Variants in AEN observed in about 807,000 individuals in gnomAD.
The protein encoded by AEN is apoptosis enhancing nuclease.
A neutral mutation model predicts 17.7 loss-of-function variants in AEN; 21 were observed. That is an observed-to-expected ratio of 1.19 (90% confidence interval 0.84 to 1.71). The LOEUF (loss-of-function observed/expected upper bound fraction) is 1.71, where lower values mean the gene tolerates loss of function less well. Among genes scored for constraint, AEN ranks in the 40% most tolerant of loss-of-function variants. AEN has a pLI of 0.00. For synonymous variants in AEN, 190 were observed against 173.0 expected (o/e 1.10, Z -0.77); for missense variants, 462 against 435.9 (o/e 1.06, Z -0.53).
Position 88,630,115 on chromosome 15 carries a change from C to T in AEN, c.799C>T (p.Arg267Trp), listed in dbSNP as rs753434515. The change falls in exon 4 of 4, where the codon CGG (arginine) becomes TGG (tryptophan). Residue 267 changes from arginine (R) to tryptophan (W), a missense_variant. Coordinates refer to ENST00000332810, the MANE Select transcript of AEN (RefSeq NM_022767.4). This position sits in a 1 kb window ranked among gnomAD's most constrained non-coding sequence, Gnocchi z 5.1. The part of the protein sequence containing the change: ...EDATTAMELY[R>W]LVEVQWEQQE... The stretch of plus-strand genomic sequence containing the variant: ...TGCCACGACAGCCATGGAGCTCTAC[C>T]GGCTGGTGGAGGTGCAGTGGGAACA... 1.5e-5 allele frequency: 25 copies of T among 1,613,710 alleles called. No individual in the cohort carries two copies. Among genetic ancestry groups the T allele is most frequent in the South Asian group, 1.5e-4 (14 of 91,082 alleles).
chr15:88,608,947 T>A, the AEN span, among the ~76,000 whole-genome samples: 1 of 152,212 alleles, frequency 6.6e-6, no homozygotes, highest in Non-Finnish European at 1.5e-5. Context: ...CAAATAGTCC[T>A]ACTCAGGGAT....
At chr15:88,626,070 CAGGG>C (rs202107717) in intron 1 of AEN, 72 bp from the exon 2 acceptor site, 61,167 of 872,388 alleles carry the variant, frequency 0.07, 2,285 homozygotes, top group African/African-American at 0.16. Flanking sequence ...TGGTGCACTG[CAGGG>C]AGGGAGGGAG....
At chr15:88,629,678 G>C (rs972979362) in intron 3 of AEN, among the ~76,000 whole-genome samples, 1 of 152,292 alleles carries the variant, frequency 6.6e-6, no homozygotes, top group African/African-American at 2.4e-5. Flanking sequence ...ATCTCTTCCA[G>C]ATCTGTCCCC....
intron 2 of AEN, chr15:88,628,387 C>T (rs2057881750): frequency 6.6e-6 from 1 of 151,924 alleles, no homozygotes; most frequent in Admixed American, 6.5e-5. Context: ...GAGCCCAAGC[C>T]CAGCTAAGAG....
the AEN span, among the ~76,000 whole-genome samples, chr15:88,615,467 C>A: frequency 1.3e-5 from 2 of 152,120 alleles, no homozygotes; most frequent in Non-Finnish European, 2.9e-5. Flanking sequence ...ATCAAGAGAG[C>A]TAAGAGGCGG....
chr15:88,629,520 C>A, intron 3 of AEN, 94 bp downstream of exon 3: 2 of 1,435,726 alleles, frequency 1.4e-6, no homozygotes, highest in South Asian at 1.3e-5. Context: ...TGTCTCCAGC[C>A]TCCTTGTCAT....
chr15:88,607,880 C>T, the AEN span, among the ~76,000 whole-genome samples: 13 of 152,244 alleles, frequency 8.5e-5, no homozygotes, highest in Admixed American at 8.5e-4. Flanking sequence ...TCCCATGTTA[C>T]TATAGAAACT....
the AEN span, among the ~76,000 whole-genome samples, chr15:88,610,377 A>G: frequency 2.0e-5 from 3 of 150,246 alleles, no homozygotes; most frequent in Admixed American, 1.3e-4. Context: ...AGATTAAAGG[A>G]TGGGGAAAGG....
rs1028542951 is a variant in AEN at position 88,626,240 on chromosome 15, C to T, written c.31C>T (p.Gln11Ter). MVPREAPESA[Q>*]CLCPSLTIPN... ...ACCCCGGGAGGCCCCTGAGTCTGCT[C>T]AGTGCCTGTGCCCTTCCCTCACCAT... is the stretch of plus-strand genomic sequence containing the variant. Residue 11 changes from glutamine to a stop codon, truncating the protein, a stop_gained, in exon 2 of 4, where the codon CAG (glutamine) becomes TAG (stop). Coordinates refer to ENST00000332810, the MANE Select transcript of AEN (RefSeq NM_022767.4). LOFTEE classifies it high-confidence loss of function. 1.3e-5 allele frequency: 21 copies of T among 1,606,770 alleles called. No individual in the cohort carries two copies. Among genetic ancestry groups the T allele is most frequent in the African/African-American group, 9.4e-5 (7 of 74,800 alleles).
the AEN span, among the ~76,000 whole-genome samples, chr15:88,609,627 T>A: frequency 6.6e-6 from 1 of 151,774 alleles, no homozygotes; most frequent in Non-Finnish European, 1.5e-5. Context: ...AAGTGGGGAG[T>A]GGAAGTTGGT....
At chr15:88,605,276 T>C in the AEN span, among the ~76,000 whole-genome samples, 4 of 152,134 alleles carry the variant, frequency 2.6e-5, no homozygotes, top group Non-Finnish European at 5.9e-5. The surrounding 1 kb of genome is among the most constrained non-coding windows in gnomAD (Gnocchi z 7.6). Flanking sequence ...CCGCGCCCAG[T>C]AGGAGAAAGA....
the AEN span, among the ~76,000 whole-genome samples, chr15:88,613,963 G>A: frequency 6.6e-6 from 1 of 152,066 alleles, no homozygotes; most frequent in African/African-American, 2.4e-5. Context: ...GGAAAAAATG[G>A]AAACCACCAT....
At chr15:88,616,056 G>T in the AEN span, among the ~76,000 whole-genome samples, 1 of 151,986 alleles carries the variant, frequency 6.6e-6, no homozygotes, top group African/African-American at 2.4e-5. Context: ...AACAAGCTCT[G>T]TTATAAAGGA....
rs1567104846 is a variant in AEN, at chr15:88,627,476, T to TTA, written c.540+727_540+728insTA. On this transcript the variant is annotated intron_variant, in intron 2 of 3. Transcript: ENST00000332810. ...TCTTGTTTCTTTTTTTTTTTTTTTT[T>TTA]ATTCCACACATCTTAAATGGTTAAG... 2.5e-3 allele frequency: 385 copies of TTA among 151,738 alleles called. 2 individuals are homozygous for TTA. Among genetic ancestry groups the TTA allele is most frequent in the African/African-American group, 9.0e-3 (373 of 41,408 alleles). 9.4% of individuals were successfully genotyped at this position (151,738 alleles called of 1,614,324 possible).
upstream of AEN, among the ~76,000 whole-genome samples, chr15:88,620,517 C>G (rs1392960281): frequency 1.3e-5 from 2 of 151,972 alleles, no homozygotes; most frequent in African/African-American, 4.8e-5. Flanking sequence ...TGGGCTCAAG[C>G]GATTCTCCTG....
intron 1 of AEN, among the ~76,000 whole-genome samples, chr15:88,624,466 A>G (rs1430094818): frequency 1.3e-5 from 2 of 152,160 alleles, no homozygotes; most frequent in Non-Finnish European, 2.9e-5. Flanking sequence ...TTGAGCCCCT[A>G]CTGTTCAGAA....
chr15:88,609,056 G>A, the AEN span, among the ~76,000 whole-genome samples: 2 of 152,180 alleles, frequency 1.3e-5, no homozygotes, highest in Admixed American at 6.5e-5. Flanking sequence ...AAGTCTTAAT[G>A]TGAGTACAGA....
the AEN span, chr15:88,611,799 G>A: frequency 8.4e-6 from 4 of 475,956 alleles, no homozygotes; most frequent in Admixed American, 9.9e-5. Context: ...GAGGGGGGTG[G>A]TCCTCGAACG....
intron 1 of AEN, among the ~76,000 whole-genome samples, chr15:88,625,754 T>A (rs962991067): frequency 1.3e-5 from 2 of 152,178 alleles, no homozygotes; most frequent in Non-Finnish European, 2.9e-5. Flanking sequence ...AGAAAAAAAG[T>A]CCACTGCTAA....
Sources: allele counts gnomAD v4.1 joint callset (sites outside exome capture counted in the v4.1 genomes callset), GRCh38; gene constraint gnomAD v4.1.1; non-coding constraint Gnocchi (gnomAD v3.1); transcripts MANE v1.5; gene names NCBI Gene and HGNC (gene_info 2026-07-23, HGNC 2026-07-21).